The following ANGPTL2 variants were observed in gnomAD, a reference collection of about 807,000 sequenced individuals.
The protein encoded by ANGPTL2 is angiopoietin-related protein 2.
A neutral mutation model predicts 52.8 loss-of-function variants in ANGPTL2; 25 were observed. The ratio of observed to expected loss-of-function variants is 0.47; its 90% confidence interval spans 0.35 to 0.66. The LOEUF (loss-of-function observed/expected upper bound fraction) is 0.66. Ranked by LOEUF, ANGPTL2 falls within the 30% of genes least tolerant of loss-of-function variation. The pLI is 0.01. For missense variants in ANGPTL2, 546 were observed against 656.9 expected, an observed-to-expected ratio of 0.83 and a Z score of 1.84; for synonymous variants, 276 against 277.4, an observed-to-expected ratio of 1.00 and a Z score of 0.05.
chr9:127,114,963 G>A (rs1473885102), intron 1 of ANGPTL2, among the ~76,000 whole-genome samples: 2 of 152,218 alleles, frequency 1.3e-5, no homozygotes, highest in Non-Finnish European at 2.9e-5. Flanking sequence ...TGCTGGTAGG[G>A]AAGTATCCAA....
chr9:127,094,158 G>A (rs116846258), intron 2 of ANGPTL2, among the ~76,000 whole-genome samples: 3,190 of 152,176 alleles, frequency 0.021, 60 homozygotes, highest in Non-Finnish European at 0.034. Flanking sequence ...CCTCTCACCC[G>A]CCTCACAGTT....
intron 1 of ANGPTL2, among the ~76,000 whole-genome samples, chr9:127,119,007 G>A (rs540705200): frequency 6.6e-6 from 1 of 152,280 alleles, no homozygotes; most frequent in African/African-American, 2.4e-5. Context: ...TGTAGAAAGC[G>A]CATCAATAGT....
At chr9:127,090,598 T>G (rs1200064273) in intron 4 of ANGPTL2, among the ~76,000 whole-genome samples, 2 of 152,214 alleles carry the variant, frequency 1.3e-5, no homozygotes, top group Non-Finnish European at 2.9e-5. Flanking sequence ...TCCACCTTAG[T>G]ATGTAGGTTC....
chr9:127,089,267 C>T (rs987334711), intron 4 of ANGPTL2, 129 bp from the exon 5 acceptor site: 40 of 926,888 alleles, frequency 4.3e-5, no homozygotes, highest in Non-Finnish European at 5.8e-5. Flanking sequence ...AAGGTGGACC[C>T]GTCTCCATGG....
chr9:127,098,018 G>A (rs2053324845), intron 2 of ANGPTL2, among the ~76,000 whole-genome samples: 2 of 152,166 alleles, frequency 1.3e-5, no homozygotes, highest in African/African-American at 2.4e-5. Context: ...ATCCCTTTCT[G>A]TTTCCTTTGA....
Position 127,108,705 on chromosome 9 carries a change from C to G in ANGPTL2, c.27G>C (p.Trp9Cys), listed in dbSNP as rs2054508435. 2 of 1,612,170 alleles carry G rather than the reference C, an allele frequency of 1.2e-6. No individual in the cohort carries two copies. The highest frequency in any genetic ancestry group is 1.3e-5 in the African/African-American group (1 of 74,830). The change falls in exon 2 of 5, where the codon TGG becomes TGC. Residue 9 changes from tryptophan to cysteine, a missense_variant. Trp to Cys is a radical substitution (Grantham distance 215, BLOSUM62 -2). Transcript: ENST00000373425. ...CCATGGCAGCCAGCAGTCCGAGCCA[C>G]CAGCATGTCACGCACAGTGGCCTCA... MRPLCVTCWWLGLLAAMGA... is the reference protein window; with the variant it reads MRPLCVTCCWLGLLAAMGA...
chr9:127,088,677 T>C lies in ANGPTL2; in HGVS notation c.*262A>G. 1 of 518,520 alleles carries C rather than the reference T, an allele frequency of 1.9e-6. No individual in the cohort carries two copies. Among genetic ancestry groups the C allele is most frequent in the Admixed American group, 3.4e-5 (1 of 29,514 alleles). 32.1% of individuals were successfully genotyped at this position (518,520 alleles called of 1,614,324 possible). On this transcript the variant is annotated 3_prime_UTR_variant, in exon 5 of 5. Transcript: ENST00000373425. The stretch of plus-strand genomic sequence containing the variant: ...GTTTTTATTGTAGAGACTTAATTTA[T>C]TTAAAGAAAGAGTTGTCTGTAGTCC...
chr9:127,121,120 G>T (rs2056038927), intron 1 of ANGPTL2, among the ~76,000 whole-genome samples: 1 of 152,122 alleles, frequency 6.6e-6, no homozygotes, highest in African/African-American at 2.4e-5. Context: ...TATAAAACAG[G>T]GATGAATAAT....
intron 4 of ANGPTL2, among the ~76,000 whole-genome samples, chr9:127,090,402 TGCTTCAGAATGAGG>T (rs1036053726): frequency 2.6e-5 from 4 of 152,234 alleles, no homozygotes; most frequent in Admixed American, 2.6e-4. Context: ...CAGCCCCTAC[TGCTTCAGAATGAGG>T]GCCTGTTCCT....
intron 3 of ANGPTL2, among the ~76,000 whole-genome samples, 181 bp downstream of exon 3, chr9:127,093,541 ACCCCTGGTGGG>A (rs1269635605): frequency 1.4e-4 from 21 of 151,666 alleles, no homozygotes; most frequent in Non-Finnish European, 2.8e-4. Context: ...GGTCCTCACT[ACCCCTGGTGGG>A]TTTGCAAAAT....
chr9:127,100,286 T>G (rs2053584109), intron 2 of ANGPTL2, among the ~76,000 whole-genome samples: 1 of 152,210 alleles, frequency 6.6e-6, no homozygotes, highest in African/African-American at 2.4e-5. Flanking sequence ...GTAGGTCATT[T>G]CAATGCATGT....
rs1242036968 is a variant in ANGPTL2, at chr9:127,108,293, G to A, written c.439C>T (p.Arg147Cys). ...LYMQLLHEII[R>C]KRDNALELSQ... ...AGCTCCAACGCGTTGTCCCGCTTGC[G>A]GATGATCTCGTGCAGGAGCTGCATG... Residue 147 changes from arginine to cysteine, a missense_variant, in exon 2 of 5, where the codon CGC (arginine) becomes TGC (cysteine). Coordinates refer to ENST00000373425, the MANE Select transcript of ANGPTL2 (RefSeq NM_012098.3). The A allele has an allele frequency of 8.7e-6, 14 of 1,613,954 alleles. No individual in the cohort carries two copies. Among genetic ancestry groups the A allele is most frequent in the African/African-American group, 1.3e-5 (1 of 74,982 alleles).
At chr9:127,101,105 C>T (rs2053677640) in intron 2 of ANGPTL2, among the ~76,000 whole-genome samples, 1 of 152,192 alleles carries the variant, frequency 6.6e-6, no homozygotes. Context: ...TTCCCCAACC[C>T]CAGGAAAGCT....
intron 1 of ANGPTL2, among the ~76,000 whole-genome samples, chr9:127,112,096 G>C (rs189692830): frequency 1.1e-4 from 17 of 152,316 alleles, no homozygotes; most frequent in Non-Finnish European, 1.9e-4. Context: ...GGGCCTTGCT[G>C]AGCTGTTTTC....
At chr9:127,100,826 G>C (rs190802373) in intron 2 of ANGPTL2, among the ~76,000 whole-genome samples, 32 of 152,314 alleles carry the variant, frequency 2.1e-4, no homozygotes, top group Admixed American at 9.8e-4. Flanking sequence ...AGCTTCATTG[G>C]TTTCTTCTTT....
intron 1 of ANGPTL2, among the ~76,000 whole-genome samples, chr9:127,115,136 C>T (rs1054528458): frequency 6.6e-6 from 1 of 152,092 alleles, no homozygotes; most frequent in African/African-American, 2.4e-5. Flanking sequence ...GAGTAGGGGA[C>T]CATACATCCT....
chr9:127,108,798 G>C lies in ANGPTL2; in HGVS notation c.-49-18C>G. ...ATGAAAGCCTGAAAGTAAACAGAGGGGAGAATCAGTGATGGTCCCACCACT... is the reference window on the plus strand; with the variant it reads ...ATGAAAGCCTGAAAGTAAACAGAGGCGAGAATCAGTGATGGTCCCACCACT... On this transcript the variant is annotated intron_variant, in intron 1 of 4. Coordinates refer to ENST00000373425, the MANE Select transcript of ANGPTL2 (RefSeq NM_012098.3). 1 of 1,486,544 alleles carries C rather than the reference G, an allele frequency of 6.7e-7. No individual in the cohort carries two copies. The highest frequency in any genetic ancestry group is 9.0e-7 in the Non-Finnish European group (1 of 1,107,456). 92.1% of individuals were successfully genotyped at this position (1,486,544 alleles called of 1,614,324 possible). A position where few individuals can be genotyped will look rare whatever the true frequency, so the allele number is the denominator to read the frequency against.
chr9:127,093,959 C>T lies in ANGPTL2; in HGVS notation c.818-33G>A, dbSNP rs751713442. ...CACAGACATGCATATACATCACAGA[C>T]CTGCCTGTCACCAGGCCGCACCCCC... On this transcript the variant is annotated intron_variant, in intron 2 of 4. Coordinates refer to ENST00000373425, the MANE Select transcript of ANGPTL2 (RefSeq NM_012098.3). 5 of 1,600,884 alleles carry T rather than the reference C, an allele frequency of 3.1e-6. No homozygotes were observed. The African/African-American group carries it at 6.7e-5, about 21-fold the overall frequency.
At position 127,088,698 on chromosome 9, in the gene ANGPTL2, A is replaced by C; in HGVS notation, c.*241T>G. The C allele has an allele frequency of 1.8e-6, 1 of 559,952 alleles. No homozygotes were observed. Among genetic ancestry groups the C allele is most frequent in the Non-Finnish European group, 3.2e-6 (1 of 314,186 alleles). 34.7% of individuals were successfully genotyped at this position (559,952 alleles called of 1,614,324 possible). A position where few individuals can be genotyped will look rare whatever the true frequency, so the allele number is the denominator to read the frequency against. On this transcript the variant is annotated 3_prime_UTR_variant, in exon 5 of 5. Coordinates refer to ENST00000373425, the MANE Select transcript of ANGPTL2 (RefSeq NM_012098.3). ...TTTATTTAAAGAAAGAGTTGTCTGTAGTCCTGTCCTGTCCTGGAGACATGA... is the reference window on the plus strand; with the variant it reads ...TTTATTTAAAGAAAGAGTTGTCTGTCGTCCTGTCCTGTCCTGGAGACATGA...
Sources: allele counts gnomAD v4.1 joint callset (sites outside exome capture counted in the v4.1 genomes callset), GRCh38; gene constraint gnomAD v4.1.1; transcripts MANE v1.5; gene names NCBI Gene and HGNC (gene_info 2026-07-23, HGNC 2026-07-21).